Variants in SLCO3A1 observed in about 807,000 individuals in gnomAD.
SLCO3A1 encodes PGE1 transporter.
Under a neutral mutation model 63.1 loss-of-function variants are expected in SLCO3A1, and 27 were observed. The ratio of observed to expected loss-of-function variants is 0.43; its 90% confidence interval spans 0.32 to 0.59. The LOEUF (loss-of-function observed/expected upper bound fraction) is 0.59. SLCO3A1 is among the 20% of genes least tolerant of loss of function. The probability of loss-of-function intolerance (pLI) is 0.09; values close to 1 mark genes in which losing one functional copy is unlikely to be tolerated. For missense variants in SLCO3A1, 773 were observed against 945.8 expected (o/e 0.82, Z 2.40); for synonymous variants, 473 against 409.9 (o/e 1.15, Z -1.86).
chr15:91,883,111 CTCTG>C lies in SLCO3A1; in HGVS notation c.180+29026_180+29029del, dbSNP rs1256416705. ...CTCCAGCCATTCAGATTCCAGTCCTCTCTGTCAGCTCCTCTTAATCTCCATGTTA... is the reference window on the plus strand; with the variant it reads ...CTCCAGCCATTCAGATTCCAGTCCTCTCAGCTCCTCTTAATCTCCATGTTA... On this transcript the variant is annotated intron_variant, in intron 1 of 9. Coordinates refer to ENST00000318445, the MANE Select transcript of SLCO3A1 (RefSeq NM_013272.4). This position sits in a 1 kb window ranked among gnomAD's most constrained non-coding sequence, Gnocchi z 4.8. Among the ~76,000 whole-genome samples the C allele has an allele frequency of 1.2e-4, 18 of 152,334 alleles. No homozygotes were observed. In the East Asian group the frequency reaches 3.5e-3, roughly 29 times the overall value.
intron 1 of SLCO3A1, among the ~76,000 whole-genome samples, chr15:91,913,960 C>T (rs966572313): frequency 6.6e-6 from 1 of 152,118 alleles, no homozygotes; most frequent in Non-Finnish European, 1.5e-5. Flanking sequence ...CACTGCTGGC[C>T]TTCTTCCACC....
intron 2 of SLCO3A1, among the ~76,000 whole-genome samples, chr15:92,089,218 G>A (rs571250018): frequency 6.6e-6 from 1 of 152,110 alleles, no homozygotes; most frequent in South Asian, 2.1e-4. Context: ...AGTAGAGACA[G>A]GGTTTCACCG....
At chr15:91,873,829 A>T (rs1208854690) in intron 1 of SLCO3A1, among the ~76,000 whole-genome samples, 1 of 152,206 alleles carries the variant, frequency 6.6e-6, no homozygotes, top group Non-Finnish European at 1.5e-5. Context: ...TTTCTCTGGA[A>T]CTATTTATTT....
At chr15:91,989,384 T>C (rs961967963) in intron 2 of SLCO3A1, among the ~76,000 whole-genome samples, 1 of 152,212 alleles carries the variant, frequency 6.6e-6, no homozygotes, top group African/African-American at 2.4e-5. Context: ...CCTTCTGCAG[T>C]TTTGTGGCCC....
At chr15:91,888,570 A>G (rs1180697598) in intron 1 of SLCO3A1, among the ~76,000 whole-genome samples, 3 of 151,420 alleles carry the variant, frequency 2.0e-5, no homozygotes, top group East Asian at 1.9e-4. Context: ...TTTTTTTCCT[A>G]CAAAGTGGCT....
chr15:91,853,827 ACCCC>A lies in SLCO3A1; in HGVS notation c.-80_-77del. The stretch of plus-strand genomic sequence containing the variant: ...GACAGCACGCAGCCTCGAGGCGCGC[ACCCC>A]CGCCCGGCAGCGGCCCCGACACCCG... On this transcript the variant is annotated 5_prime_UTR_variant, in exon 1 of 10. Coordinates refer to ENST00000318445, the MANE Select transcript of SLCO3A1 (RefSeq NM_013272.4). 2 of 1,155,008 alleles carry A rather than the reference ACCCC, an allele frequency of 1.7e-6. No individual in the cohort carries two copies. Among genetic ancestry groups the A allele is most frequent in the South Asian group, 7.7e-5 (2 of 25,874 alleles). The allele number at this position is 1,155,008 out of a possible 1,614,324, so 71.5% of individuals were successfully genotyped here. A position where few individuals can be genotyped will look rare whatever the true frequency, so the allele number is the denominator to read the frequency against.
intron 2 of SLCO3A1, among the ~76,000 whole-genome samples, chr15:92,020,159 T>C (rs2046489963): frequency 2.6e-5 from 4 of 152,184 alleles, no homozygotes. Flanking sequence ...ACCAGCCAAG[T>C]AGACTTGTAG....
downstream of SLCO3A1, among the ~76,000 whole-genome samples, chr15:92,168,675 C>G (rs1052009655): frequency 6.6e-6 from 1 of 152,178 alleles, no homozygotes; most frequent in Non-Finnish European, 1.5e-5. Context: ...TAGGAAGGGA[C>G]CCTGAGCTAG....
In SLCO3A1 at chr15:91,912,594, C is replaced by A. The variant is rs1048748540; in HGVS notation, c.181-3399C>A. ...ACCTGCATGATATTTTATGACACAG[C>A]ACACCTGCTGAAATGGAGCAGTTGT... is the stretch of plus-strand genomic sequence containing the variant. On this transcript the variant is annotated intron_variant, in intron 1 of 9. Transcript: ENST00000318445. The surrounding 1 kb of genome is among the most constrained non-coding windows in gnomAD (Gnocchi z 5.0). Among the ~76,000 whole-genome samples the A allele has an allele frequency of 6.6e-6, 1 of 152,230 alleles. No homozygotes were observed.
intron 2 of SLCO3A1, among the ~76,000 whole-genome samples, chr15:92,063,326 C>T (rs528749402): frequency 2.0e-5 from 3 of 152,260 alleles, no homozygotes; most frequent in Admixed American, 6.5e-5. Flanking sequence ...GTGGAGTCCT[C>T]GGTGTAATGG....
intron 2 of SLCO3A1, among the ~76,000 whole-genome samples, chr15:92,001,346 G>T (rs553118296): frequency 3.3e-5 from 5 of 152,248 alleles, no homozygotes; most frequent in African/African-American, 1.2e-4. Flanking sequence ...CATATTATGG[G>T]ATGCTGCTTC....
rs1416675254 is a variant in SLCO3A1 at position 91,872,674 on chromosome 15, G to A, written c.180+18586G>A. Among the ~76,000 whole-genome samples, 3 of 152,130 alleles carry A rather than the reference G, an allele frequency of 2.0e-5. No homozygotes were observed. Among genetic ancestry groups the A allele is most frequent in the African/African-American group, 4.8e-5 (2 of 41,442 alleles). On this transcript the variant is annotated intron_variant, in intron 1 of 9. Coordinates refer to ENST00000318445, the MANE Select transcript of SLCO3A1 (RefSeq NM_013272.4). This position sits in a 1 kb window ranked among gnomAD's most constrained non-coding sequence, Gnocchi z 4.1. Reference sequence around the variant, plus strand: ...ATCACACCACGCCTTGAAAAAATTCGCAGCTGAATGCTTCAGTGTCTTGAG... The same window carrying A: ...ATCACACCACGCCTTGAAAAAATTCACAGCTGAATGCTTCAGTGTCTTGAG...
chr15:92,113,104 C>T (rs774769316), intron 4 of SLCO3A1, among the ~76,000 whole-genome samples: 7 of 152,222 alleles, frequency 4.6e-5, no homozygotes, highest in Non-Finnish European at 7.3e-5. Context: ...CCTGGAAAGA[C>T]ACCATGTTGG....
chr15:92,168,321 C>T (rs74676241), downstream of SLCO3A1, among the ~76,000 whole-genome samples: 517 of 152,220 alleles, frequency 3.4e-3, no homozygotes, highest in South Asian at 0.019. Flanking sequence ...CAGAATTGCC[C>T]CCAGAGAGAG....
At chr15:91,857,565 CAAGGATGTAACATGTGCTT>C (rs1439569314) in intron 1 of SLCO3A1, among the ~76,000 whole-genome samples, 1 of 152,116 alleles carries the variant, frequency 6.6e-6, no homozygotes, top group Non-Finnish European at 1.5e-5. Flanking sequence ...GTCCTGTTTG[CAAGGATGTAACATGTGCTT>C]AAGTCTTGGA....
At chr15:91,962,817 G>T (rs1307738646) in intron 2 of SLCO3A1, among the ~76,000 whole-genome samples, 1 of 152,124 alleles carries the variant, frequency 6.6e-6, no homozygotes, top group Non-Finnish European at 1.5e-5. Context: ...AGATGAGCTG[G>T]GAAAGGAGAG....
chr15:91,964,717 G>T (rs1434915893), intron 2 of SLCO3A1, among the ~76,000 whole-genome samples: 1 of 151,994 alleles, frequency 6.6e-6, no homozygotes, highest in Non-Finnish European at 1.5e-5. Flanking sequence ...AGCAAGCTGG[G>T]TACTAACATC....
At chr15:92,169,007 C>T (rs2048507773), downstream of SLCO3A1, among the ~76,000 whole-genome samples, 1 of 152,158 alleles carries the variant, frequency 6.6e-6, no homozygotes, top group Non-Finnish European at 1.5e-5. Flanking sequence ...ACAACCAACA[C>T]AAAACACTGG....
chr15:92,030,945 G>T (rs557773682), intron 2 of SLCO3A1, among the ~76,000 whole-genome samples: 1 of 145,314 alleles, frequency 6.9e-6, no homozygotes, highest in Non-Finnish European at 1.5e-5. Context: ...TAACTGGAAT[G>T]AGTGTGCTGT....
Sources: gnomAD v4.1 joint callset for allele counts (sites outside exome capture counted in the v4.1 genomes callset) on GRCh38, gnomAD v4.1.1 for gene constraint, Gnocchi (gnomAD v3.1) non-coding constraint, MANE v1.5 for transcripts, NCBI Gene and HGNC (gene_info 2026-07-23, HGNC 2026-07-21) for gene names.